PPARGC1A: variants seen among roughly 807,000 people sequenced by gnomAD.
PPARGC1A encodes PPARG coactivator 1 alpha.
PPARGC1A carries 25 observed loss-of-function variants against 88.7 expected under a neutral mutation model. That is an observed-to-expected ratio of 0.28 (90% confidence interval 0.21 to 0.39). The LOEUF is 0.39. Ranked by LOEUF, PPARGC1A falls within the 10% of genes least tolerant of loss-of-function variation. The probability of loss-of-function intolerance (pLI) is 1.00; values close to 1 mark genes in which losing one functional copy is unlikely to be tolerated. For missense variants in PPARGC1A, 880 were observed against 968.7 expected (o/e 0.91, Z 1.22); for synonymous variants, 363 against 355.6 (o/e 1.02, Z -0.24).
the PPARGC1A span, among the ~76,000 whole-genome samples, chr4:24,014,455 A>G: frequency 2.0e-5 from 3 of 152,278 alleles, no homozygotes; most frequent in Admixed American, 6.5e-5. Context: ...AAAACAATGC[A>G]CTTTTATTAT....
At chr4:23,872,097 G>A (rs1713497923) in intron 2 of PPARGC1A, among the ~76,000 whole-genome samples, 1 of 152,160 alleles carries the variant, frequency 6.6e-6, no homozygotes, top group East Asian at 1.9e-4. Flanking sequence ...CATACACCAA[G>A]TGTCTCAAAC....
chr4:23,874,524 C>T (rs905176911), intron 2 of PPARGC1A, among the ~76,000 whole-genome samples: 1 of 151,774 alleles, frequency 6.6e-6, no homozygotes, highest in Admixed American at 6.6e-5. Flanking sequence ...ATTATTTTAC[C>T]ACCCTTCTAT....
chr4:24,001,320 C>T, the PPARGC1A span, among the ~76,000 whole-genome samples: 5 of 152,112 alleles, frequency 3.3e-5, no homozygotes, highest in Admixed American at 6.5e-5. Context: ...TATTTTTCCA[C>T]GTTGAATCTG....
the PPARGC1A span, among the ~76,000 whole-genome samples, chr4:24,021,761 C>A: frequency 6.6e-6 from 1 of 152,276 alleles, no homozygotes; most frequent in East Asian, 1.9e-4. Context: ...CAAGGCAATA[C>A]AGGAGAAGTG....
At chr4:23,973,987 G>A in the PPARGC1A span, among the ~76,000 whole-genome samples, 87,347 of 151,564 alleles carry the variant, frequency 0.58, 25,458 homozygotes, top group East Asian at 0.73. Flanking sequence ...ATAAATAAAT[G>A]AATAAAAGAT....
chr4:24,458,235 C>T, the PPARGC1A span, among the ~76,000 whole-genome samples: 1 of 152,248 alleles, frequency 6.6e-6, no homozygotes, highest in East Asian at 1.9e-4. Context: ...CATAGTGGCT[C>T]ACATCTGTAA....
At chr4:23,904,685 A>G (rs533392967), upstream of PPARGC1A, among the ~76,000 whole-genome samples, 1 of 152,326 alleles carries the variant, frequency 6.6e-6, no homozygotes, top group East Asian at 1.9e-4. Context: ...AGACCATCTT[A>G]AAATCACATG....
At chr4:24,365,036 A>C in the PPARGC1A span, among the ~76,000 whole-genome samples, 2 of 152,068 alleles carry the variant, frequency 1.3e-5, no homozygotes, top group African/African-American at 4.8e-5. Context: ...CCAGCATGAC[A>C]CTTCTACCAA....
At chr4:24,352,214 G>C in the PPARGC1A span, among the ~76,000 whole-genome samples, 1 of 152,140 alleles carries the variant, frequency 6.6e-6, no homozygotes, top group Non-Finnish European at 1.5e-5. Context: ...CAGAGATAGG[G>C]AGGGGAAGAG....
upstream of PPARGC1A, among the ~76,000 whole-genome samples, chr4:23,907,618 T>C (rs1720202949): frequency 6.6e-6 from 1 of 152,222 alleles, no homozygotes; most frequent in South Asian, 2.1e-4. Flanking sequence ...GGATAATACC[T>C]ACCTCACAGA....
the PPARGC1A span, among the ~76,000 whole-genome samples, chr4:24,245,010 C>T: frequency 8.7e-5 from 13 of 150,116 alleles, no homozygotes; most frequent in East Asian, 1.9e-4. Context: ...AAAGAACAGG[C>T]GAGGAAGAAG....
chr4:24,233,300 A>G, the PPARGC1A span, among the ~76,000 whole-genome samples: 1 of 152,214 alleles, frequency 6.6e-6, no homozygotes, highest in Non-Finnish European at 1.5e-5. Flanking sequence ...TGGTCTGTTC[A>G]TGTATCATAC....
the PPARGC1A span, among the ~76,000 whole-genome samples, chr4:23,917,097 C>G: frequency 5.9e-5 from 9 of 152,160 alleles, no homozygotes; most frequent in Non-Finnish European, 1.3e-4. Context: ...GACTGCTGCC[C>G]TTTTCCCCAG....
At chr4:24,060,536 A>C in the PPARGC1A span, among the ~76,000 whole-genome samples, 1 of 152,116 alleles carries the variant, frequency 6.6e-6, no homozygotes, top group Non-Finnish European at 1.5e-5. Flanking sequence ...GAACAACAAC[A>C]AAAAAAAAAT....
the PPARGC1A span, among the ~76,000 whole-genome samples, chr4:24,120,600 T>C: frequency 1.3e-5 from 2 of 152,164 alleles, no homozygotes; most frequent in African/African-American, 4.8e-5. Context: ...GTCTGAATGT[T>C]TGTGTCCCCC....
the PPARGC1A span, among the ~76,000 whole-genome samples, chr4:24,134,013 C>A: frequency 6.6e-6 from 1 of 152,144 alleles, no homozygotes; most frequent in Non-Finnish European, 1.5e-5. Context: ...ACCAGAGGCT[C>A]CTAACCTAGC....
the PPARGC1A span, among the ~76,000 whole-genome samples, chr4:23,961,112 A>G: frequency 1.4e-4 from 22 of 152,274 alleles, no homozygotes; most frequent in East Asian, 4.3e-3. Context: ...AGGTAGCAAT[A>G]ATAATGTCAG....
the PPARGC1A span, among the ~76,000 whole-genome samples, chr4:24,416,156 G>A: frequency 1.3e-5 from 2 of 152,152 alleles, no homozygotes; most frequent in Admixed American, 6.5e-5. Flanking sequence ...AGCCAGTTAC[G>A]AGGCAAGTGT....
chr4:24,174,309 C>A, the PPARGC1A span, among the ~76,000 whole-genome samples: 1 of 152,192 alleles, frequency 6.6e-6, no homozygotes, highest in East Asian at 1.9e-4. Context: ...ATAAGAATCA[C>A]CTGAGACGCT....
Sources: gnomAD v4.1 joint callset for allele counts (sites outside exome capture counted in the v4.1 genomes callset) on GRCh38, gnomAD v4.1.1 for gene constraint, MANE v1.5 for transcripts, NCBI Gene and HGNC (gene_info 2026-07-23, HGNC 2026-07-21) for gene names.